The following FRMD1 variants were observed in gnomAD, a reference collection of about 807,000 sequenced individuals.
FRMD1 encodes FERM domain containing 1.
FRMD1 carries 51 observed loss-of-function variants against 54.9 expected under a neutral mutation model. That is an observed-to-expected ratio of 0.93 (90% CI 0.74 to 1.17). The LOEUF is 1.17. FRMD1 is among the 50% of genes most tolerant of loss of function. The pLI is 0.00. For missense variants in FRMD1, 729 were observed against 743.0 expected (o/e 0.98, Z 0.22); for synonymous variants, 324 against 306.4 (o/e 1.06, Z -0.60).
chr6:168,056,814 C>T lies in FRMD1; in HGVS notation c.*283G>A, dbSNP rs540785038. The T allele has an allele frequency of 6.6e-6, 2 of 300,822 alleles. No homozygotes were observed. Among genetic ancestry groups the T allele is most frequent in the Non-Finnish European group, 1.2e-5 (2 of 162,960 alleles). The allele number at this position is 300,822 out of a possible 1,614,324, so 18.6% of individuals were successfully genotyped here. ...TGCCTCAGGGGCCAACACCATGGCT[C>T]TCTGGACACTTGACAGCCAGACCTT... On this transcript the variant is annotated 3_prime_UTR_variant, in exon 11 of 11. Transcript: ENST00000283309.
Position 168,061,040 on chromosome 6 carries a change from C to T in FRMD1, c.1063G>A (p.Glu355Lys). The T allele has an allele frequency of 1.9e-6, 3 of 1,608,816 alleles. No individual in the cohort carries two copies. Among genetic ancestry groups the T allele is most frequent in the Non-Finnish European group, 1.7e-6 (2 of 1,176,762 alleles). Residue 355 changes from glutamate to lysine, a missense_variant, in exon 9 of 11, where the codon GAG becomes AAG. Physicochemically the swap from Glu to Lys is moderately conservative, Grantham distance 56 (BLOSUM62 1). Coordinates refer to ENST00000283309, the MANE Select transcript of FRMD1 (RefSeq NM_024919.6). The part of the protein sequence containing the change: ...EEAEEKQHYR[E>K]SYISDELELD... Reference sequence around the variant, plus strand: ...TCCAGCTCATCGCTGATATAGGACTCCCGGTAGTGCTGCTTCTCTGTGGGG... The same window carrying T: ...TCCAGCTCATCGCTGATATAGGACTTCCGGTAGTGCTGCTTCTCTGTGGGG...
intron 6 of FRMD1, 74 bp from the exon 7 acceptor site, chr6:168,063,033 G>T: frequency 7.7e-7 from 1 of 1,294,332 alleles, no homozygotes; most frequent in East Asian, 2.3e-5. Flanking sequence ...AGTATGGTCA[G>T]TCTGGCTAGG....
intron 1 of FRMD1, chr6:168,093,039 T>C (rs6940507): frequency 0.42 from 63,722 of 152,076 alleles, 14,011 homozygotes; most frequent in East Asian, 0.63. Flanking sequence ...AGATGTCTTC[T>C]ATGGCGGCAG....
In FRMD1 at chr6:168,068,123, G is replaced by A. The variant is rs576479692; in HGVS notation, c.305-677C>T. Reference sequence around the variant, plus strand: ...GTGTGACCCTGCCTCAAACAATCAAGCAATCAATCAATAAAAATAGAGATG... The same window carrying A: ...GTGTGACCCTGCCTCAAACAATCAAACAATCAATCAATAAAAATAGAGATG... On this transcript the variant is annotated intron_variant, in intron 2 of 10. Coordinates refer to ENST00000283309, the MANE Select transcript of FRMD1 (RefSeq NM_024919.6). Among the ~76,000 whole-genome samples the A allele has an allele frequency of 4.7e-4, 72 of 152,088 alleles. No individual in the cohort carries two copies. The South Asian group carries it at 6.4e-3, about 14-fold the overall frequency.
At chr6:168,072,320 A>G (rs1583194968) in intron 2 of FRMD1, among the ~76,000 whole-genome samples, 1 of 152,308 alleles carries the variant, frequency 6.6e-6, no homozygotes, top group Non-Finnish European at 1.5e-5. Context: ...TGCTGTCTCT[A>G]GGTTTCGGGG....
intron 10 of FRMD1, 135 bp from the exon 11 acceptor site, chr6:168,057,474 C>A: frequency 7.3e-7 from 1 of 1,361,368 alleles, no homozygotes; most frequent in Non-Finnish European, 9.9e-7. Flanking sequence ...GCATGGCCGG[C>A]CTGCCCCTGG....
At chr6:168,072,114 G>A (rs1161937961) in intron 2 of FRMD1, among the ~76,000 whole-genome samples, 2 of 152,218 alleles carry the variant, frequency 1.3e-5, no homozygotes, top group Non-Finnish European at 2.9e-5. Flanking sequence ...CCCCAACACC[G>A]AGGATCATCA....
intron 2 of FRMD1, among the ~76,000 whole-genome samples, chr6:168,070,001 G>T (rs764675007): frequency 2.0e-5 from 3 of 152,146 alleles, no homozygotes; most frequent in Non-Finnish European, 4.4e-5. Context: ...GAGGCAGGTG[G>T]ATTGCATGAG....
intron 6 of FRMD1, 51 bp downstream of exon 6, chr6:168,063,550 C>G (rs1799869709): frequency 2.6e-6 from 4 of 1,547,150 alleles, no homozygotes; most frequent in Non-Finnish European, 3.5e-6. Flanking sequence ...CTCCGTGCAT[C>G]CCTGGCCTGG....
At chr6:168,082,417 A>G (rs1800849755), upstream of FRMD1, among the ~76,000 whole-genome samples, 1 of 152,144 alleles carries the variant, frequency 6.6e-6, no homozygotes, top group African/African-American at 2.4e-5. Context: ...GCTGAAATCC[A>G]AAAAGAAACC....
At chr6:168,075,858 CA>C in intron 1 of FRMD1, 11 of 1,440,800 alleles carry the variant, frequency 7.6e-6, no homozygotes, top group South Asian at 6.2e-5. Flanking sequence ...GTCCCGTGTC[CA>C]CATTTCCGGT....
chr6:168,092,383 G>A (rs146101681), intron 1 of FRMD1, among the ~76,000 whole-genome samples: 1 of 152,338 alleles, frequency 6.6e-6, no homozygotes, highest in African/African-American at 2.4e-5. Flanking sequence ...ATTCTCACGC[G>A]AGGGGGATGG....
chr6:168,060,793 C>A lies in FRMD1; in HGVS notation c.1310G>T (p.Arg437Leu), dbSNP rs753945376. ...GTCACCACGTGTGCTGGGGTGGCTG[C>A]GGCTGGTCCTGGGGCTGGAGGACGG... ...KEPSSSPRTSRSHPSTRGDSQ... is the reference protein window; with the variant it reads ...KEPSSSPRTSLSHPSTRGDSQ... The change falls in exon 9 of 11, where the codon CGC becomes CTC. Residue 437 changes from arginine (R) to leucine (L), a missense_variant. By Grantham distance (102) the Arg-to-Leu change is moderately radical. Coordinates refer to ENST00000283309, the MANE Select transcript of FRMD1 (RefSeq NM_024919.6). 1.9e-6 allele frequency: 3 copies of A among 1,611,874 alleles called. No homozygotes were observed. The highest frequency in any genetic ancestry group is 1.7e-4 in the Middle Eastern group (1 of 6,054).
At chr6:168,075,099 G>A in intron 2 of FRMD1, 146 bp downstream of exon 2, 1 of 693,086 alleles carries the variant, frequency 1.4e-6, no homozygotes, top group Non-Finnish European at 2.6e-6. Flanking sequence ...GTGTAACTGT[G>A]CATTGTGCAT....
intron 1 of FRMD1, among the ~76,000 whole-genome samples, chr6:168,088,427 T>C (rs1179339556): frequency 6.6e-6 from 1 of 152,216 alleles, no homozygotes; most frequent in Non-Finnish European, 1.5e-5. Flanking sequence ...GCCTCAGCTC[T>C]GGACTTTTCC....
chr6:168,058,856 C>A (rs930236908), intron 10 of FRMD1, among the ~76,000 whole-genome samples: 5 of 152,122 alleles, frequency 3.3e-5, no homozygotes, highest in African/African-American at 1.2e-4. Flanking sequence ...ACACTCAGGG[C>A]CCGGCCACCC....
chr6:168,060,716 C>T (rs1193975297), intron 9 of FRMD1, 45 bp downstream of exon 9: 1 of 1,569,526 alleles, frequency 6.4e-7, no homozygotes, highest in Non-Finnish European at 8.6e-7. Flanking sequence ...GCTGGCTGGA[C>T]CACACTCACT....
In FRMD1 at chr6:168,059,331, G is replaced by A. The variant is rs1321591060; in HGVS notation, c.1343-143C>T. Reference sequence around the variant, plus strand: ...CACACCGCCCCCTTGCTCTCAGTGCGGTGACTGCTTTTGCTCCATTCCCCG... The same window carrying A: ...CACACCGCCCCCTTGCTCTCAGTGCAGTGACTGCTTTTGCTCCATTCCCCG... On this transcript the variant is annotated intron_variant, in intron 9 of 10. Transcript: ENST00000283309. The surrounding 1 kb of genome is among the most constrained non-coding windows in gnomAD (Gnocchi z 4.4). The A allele has an allele frequency of 4.5e-6, 3 of 666,262 alleles. No homozygotes were observed. The highest frequency in any genetic ancestry group is 1.9e-5 in the South Asian group (1 of 53,052). The allele number at this position is 666,262 out of a possible 1,614,324, so 41.3% of individuals were successfully genotyped here.
At chr6:168,091,260 G>A (rs1371253663) in intron 1 of FRMD1, among the ~76,000 whole-genome samples, 1 of 152,204 alleles carries the variant, frequency 6.6e-6, no homozygotes, top group Non-Finnish European at 1.5e-5. Context: ...GCGCCTTCCC[G>A]ACACAGGGCC....
Sources: gnomAD v4.1 joint callset for allele counts (sites outside exome capture counted in the v4.1 genomes callset) on GRCh38, gnomAD v4.1.1 for gene constraint, Gnocchi (gnomAD v3.1) non-coding constraint, MANE v1.5 for transcripts, NCBI Gene and HGNC (gene_info 2026-07-23, HGNC 2026-07-21) for gene names.